TXNDC15: variants seen among roughly 807,000 people sequenced by gnomAD.
The protein encoded by TXNDC15 is thioredoxin domain-containing protein 15.
In TXNDC15, 24 loss-of-function variants were observed where a neutral mutation model predicts 35.0. The ratio of observed to expected loss-of-function variants is 0.68; its 90% confidence interval spans 0.50 to 0.96. The LOEUF (loss-of-function observed/expected upper bound fraction) is 0.96, where lower values mean the gene tolerates loss of function less well. Ranked by LOEUF, TXNDC15 falls within the 40% of genes least tolerant of loss-of-function variation. The pLI, the probability that TXNDC15 is intolerant of heterozygous loss-of-function variation, is 0.00. For missense variants in TXNDC15, 385 were observed against 453.3 expected (o/e 0.85, Z 1.37); for synonymous variants, 169 against 174.0 (o/e 0.97, Z 0.23).
At chr5:134,887,359 A>G (rs1181714798) in intron 1 of TXNDC15, among the ~76,000 whole-genome samples, 1 of 151,968 alleles carries the variant, frequency 6.6e-6, no homozygotes, top group Non-Finnish European at 1.5e-5. Context: ...TAATTTTTAT[A>G]TTTTTAATAG....
chr5:134,895,130 G>A (rs774011367), intron 3 of TXNDC15, among the ~76,000 whole-genome samples: 9 of 151,908 alleles, frequency 5.9e-5, no homozygotes, highest in Non-Finnish European at 7.4e-5. Flanking sequence ...ACAGTGAGCC[G>A]TGATCCTGTC....
At chr5:134,878,849 A>T (rs554476499) in intron 1 of TXNDC15, among the ~76,000 whole-genome samples, 1 of 152,332 alleles carries the variant, frequency 6.6e-6, no homozygotes, top group Non-Finnish European at 1.5e-5. Flanking sequence ...AAATAAAAAA[A>T]GTAGCCAGGT....
chr5:134,893,541 T>A lies in TXNDC15; in HGVS notation c.641T>A (p.Leu214Gln), dbSNP rs1430825279. 2 of 1,614,256 alleles carry A rather than the reference T, an allele frequency of 1.2e-6. No homozygotes were observed. The highest frequency in any genetic ancestry group is 2.2e-5 in the South Asian group (2 of 91,088). Residue 214 changes from leucine (L) to glutamine (Q), a missense_variant, in exon 3 of 5, where the codon CTG (leucine) becomes CAG (glutamine). Coordinates refer to ENST00000358387, the MANE Select transcript of TXNDC15 (RefSeq NM_024715.4). Reference sequence around the variant, plus strand: ...AACGGTAGTGACTGTACTCTAGTCCTGTTTTACACCCCGTGGTGCCGCTTT... The same window carrying A: ...AACGGTAGTGACTGTACTCTAGTCCAGTTTTACACCCCGTGGTGCCGCTTT... ...NPNGSDCTLV[L>Q]FYTPWCRFSA...
chr5:134,883,606 A>AAAAAAG (rs1561898036), intron 1 of TXNDC15, among the ~76,000 whole-genome samples: 10 of 148,086 alleles, frequency 6.8e-5, no homozygotes, highest in African/African-American at 2.0e-4. Context: ...AAAAAAAAAA[A>AAAAAAG]AAAAAGAAAA....
At position 134,899,413 on chromosome 5, in the gene TXNDC15, C is replaced by A. The variant is rs1040851756; in HGVS notation, c.887-76C>A. The A allele has an allele frequency of 1.0e-5, 13 of 1,260,348 alleles. No individual in the cohort carries two copies. The Admixed American group carries it at 2.4e-4, about 23-fold the overall frequency. 78.1% of individuals were successfully genotyped at this position (1,260,348 alleles called of 1,614,324 possible). A position where few individuals can be genotyped will look rare whatever the true frequency, so the allele number is the denominator to read the frequency against. On this transcript the variant is annotated intron_variant, in intron 4 of 4. Transcript: ENST00000358387. ...TTAGGACTGCATGTCATTTTGCATA[C>A]CATACATAATACTTGAGAAAAATCT...
chr5:134,875,028 G>C, intron 1 of TXNDC15: 1 of 414,200 alleles, frequency 2.4e-6, no homozygotes, highest in Admixed American at 2.9e-5. Flanking sequence ...GCCTAAGTTT[G>C]CGCTTCTGAT....
In TXNDC15 at chr5:134,899,591, T is replaced by G. The variant is rs1268175332; in HGVS notation, c.989T>G (p.Leu330Ter). Reference protein sequence around the residue: ...KSVDWLLVFSLFFLISFIMYA... With the variant: ...KSVDWLLVFS ...GTGGACTGGTTGCTTGTATTTTCCT[T>G]ATTCTTTTTAATTAGTTTTATTATG... The change falls in exon 5 of 5, where the codon TTA (leucine) becomes TGA (stop). Residue 330 changes from leucine (L) to a stop codon, truncating the protein, a stop_gained. Transcript: ENST00000358387. LOFTEE classifies it high-confidence loss of function. The G allele has an allele frequency of 1.2e-6, 2 of 1,613,890 alleles. No homozygotes were observed. The highest frequency in any genetic ancestry group is 8.5e-7 in the Non-Finnish European group (1 of 1,180,004).
chr5:134,894,138 C>T (rs1053560666), intron 3 of TXNDC15, among the ~76,000 whole-genome samples: 4 of 151,764 alleles, frequency 2.6e-5, no homozygotes, highest in Non-Finnish European at 4.4e-5. Context: ...TTCTTTCCTG[C>T]GTACTTATTC....
At chr5:134,875,688 G>A (rs1314634288) in intron 1 of TXNDC15, among the ~76,000 whole-genome samples, 2 of 150,822 alleles carry the variant, frequency 1.3e-5, no homozygotes, top group Non-Finnish European at 3.0e-5. Context: ...ATTTTTTTTT[G>A]AGATGGAGTC....
intron 2 of TXNDC15, 114 bp downstream of exon 2, chr5:134,888,296 A>G (rs925607296): frequency 1.0e-5 from 11 of 1,084,510 alleles, no homozygotes; most frequent in Non-Finnish European, 1.4e-5. Context: ...TAAGCGAGAT[A>G]GCATTTAATG....
At chr5:134,889,291 C>G (rs546073435) in intron 2 of TXNDC15, among the ~76,000 whole-genome samples, 26 of 152,302 alleles carry the variant, frequency 1.7e-4, no homozygotes, top group Non-Finnish European at 2.4e-4. Context: ...ATGGGATGAT[C>G]TGGGTTCACT....
Position 134,890,227 on chromosome 5 carries a change from G to A in TXNDC15, c.591+2045G>A, listed in dbSNP as rs533476379. Among the ~76,000 whole-genome samples, 7 of 151,506 alleles carry A rather than the reference G, an allele frequency of 4.6e-5. No homozygotes were observed. In the South Asian group the frequency reaches 1.5e-3, roughly 32 times the overall value. ...TTTCTTTTTTTTTTGTAGAGATGAG[G>A]TCTCACTATGTTGCATAGGCTGGTC... On this transcript the variant is annotated intron_variant, in intron 2 of 4. Transcript: ENST00000358387.
chr5:134,876,780 T>A (rs1474735130), intron 1 of TXNDC15, among the ~76,000 whole-genome samples: 2 of 149,902 alleles, frequency 1.3e-5, no homozygotes, highest in Non-Finnish European at 3.0e-5. Context: ...CAGATTATGC[T>A]GGCCTCAGGT....
intron 1 of TXNDC15, among the ~76,000 whole-genome samples, chr5:134,887,105 T>C (rs1261633089): frequency 6.6e-6 from 1 of 152,278 alleles, no homozygotes; most frequent in African/African-American, 2.4e-5. Flanking sequence ...TTTTTGGTTA[T>C]AATCCACATG....
chr5:134,883,640 C>T (rs1383147315), intron 1 of TXNDC15, among the ~76,000 whole-genome samples: 3 of 146,708 alleles, frequency 2.0e-5, no homozygotes, highest in Non-Finnish European at 3.0e-5. Flanking sequence ...CCTGGTGGCT[C>T]GCTGGCTCAC....
Position 134,889,084 on chromosome 5 carries a change from C to T in TXNDC15, c.591+902C>T, listed in dbSNP as rs373234712. ...ACATAGCTCCTCCAAGGGCAGTGCTCGGCGCTGGCTTTGCATCCACTCCTG... is the reference window on the plus strand; with the variant it reads ...ACATAGCTCCTCCAAGGGCAGTGCTTGGCGCTGGCTTTGCATCCACTCCTG... On this transcript the variant is annotated intron_variant, in intron 2 of 4. Coordinates refer to ENST00000358387, the MANE Select transcript of TXNDC15 (RefSeq NM_024715.4). 1.1e-3 allele frequency among the ~76,000 whole-genome samples: 167 copies of T among 152,288 alleles called. 2 individuals carry two copies. The South Asian group carries it at 0.031, about 28-fold the overall frequency.
At chr5:134,886,107 A>C (rs1341652995) in intron 1 of TXNDC15, among the ~76,000 whole-genome samples, 1 of 151,122 alleles carries the variant, frequency 6.6e-6, no homozygotes, top group Non-Finnish European at 1.5e-5. Flanking sequence ...TCCCAAATAC[A>C]TTGATCTGAT....
intron 1 of TXNDC15, among the ~76,000 whole-genome samples, chr5:134,875,676 T>G (rs1221120606): frequency 6.6e-6 from 1 of 151,860 alleles, no homozygotes; most frequent in East Asian, 1.9e-4. Flanking sequence ...ATTTTTATTT[T>G]TATTTTTTTT....
At position 134,880,027 on chromosome 5, in the gene TXNDC15, C is replaced by G. The variant is rs546539997; in HGVS notation, c.103+5497C>G. On this transcript the variant is annotated intron_variant, in intron 1 of 4. Coordinates refer to ENST00000358387, the MANE Select transcript of TXNDC15 (RefSeq NM_024715.4). ...GCCAAGCTGGTCTCGAACTCCTGAC[C>G]TCAAGGGATCCGCCCTCCTTGGCCT... Among the ~76,000 whole-genome samples, 2 of 152,270 alleles carry G rather than the reference C, an allele frequency of 1.3e-5. 1 individual carries two copies. The highest frequency in any genetic ancestry group is 4.1e-4 in the South Asian group (2 of 4,828).
Sources: gnomAD v4.1 joint callset for allele counts (sites outside exome capture counted in the v4.1 genomes callset) on GRCh38, gnomAD v4.1.1 for gene constraint, MANE v1.5 for transcripts, NCBI Gene and HGNC (gene_info 2026-07-23, HGNC 2026-07-21) for gene names.